The following SYT1 variants were observed in gnomAD, a reference collection of about 807,000 sequenced individuals.
SYT1 encodes synaptotagmin 1.
Under a neutral mutation model 44.8 loss-of-function variants are expected in SYT1, and 8 were observed. The ratio of observed to expected loss-of-function variants is 0.18; its 90% CI spans 0.10 to 0.32. The LOEUF (loss-of-function observed/expected upper bound fraction) is 0.32. Ranked by LOEUF, SYT1 falls within the 10% of genes least tolerant of loss-of-function variation. The pLI is 1.00. For synonymous variants in SYT1, 154 were observed against 188.8 expected (o/e 0.82, Z 1.51); for missense variants, 286 against 509.3 (o/e 0.56, Z 4.22).
At chr12:79,093,532 G>A (rs1877920863) in intron 3 of SYT1, among the ~76,000 whole-genome samples, 1 of 151,468 alleles carries the variant, frequency 6.6e-6, no homozygotes, top group African/African-American at 2.4e-5. Context: ...TTTTACCAGT[G>A]CACTTTTTCT....
chr12:79,095,060 C>A (rs1436000191), intron 3 of SYT1, among the ~76,000 whole-genome samples: 1 of 151,844 alleles, frequency 6.6e-6, no homozygotes, highest in African/African-American at 2.4e-5. Flanking sequence ...GGCCTAATAA[C>A]CTGTGTGCCC....
chr12:78,942,735 T>C (rs1165689569), intron 1 of SYT1, among the ~76,000 whole-genome samples: 1 of 152,212 alleles, frequency 6.6e-6, no homozygotes. Flanking sequence ...TCGCCATCCG[T>C]ATGAACAACA....
intron 9 of SYT1, among the ~76,000 whole-genome samples, chr12:79,372,549 G>C (rs1163860108): frequency 6.6e-6 from 1 of 152,170 alleles, no homozygotes; most frequent in Admixed American, 6.5e-5. Context: ...AGTTCTTTAA[G>C]CTGAGGCCAT....
chr12:79,269,657 G>A (rs893589273), intron 4 of SYT1, among the ~76,000 whole-genome samples: 1 of 151,862 alleles, frequency 6.6e-6, no homozygotes, highest in South Asian at 2.1e-4. Flanking sequence ...ACAATAATCT[G>A]CACTCGGGTA....
intron 8 of SYT1, among the ~76,000 whole-genome samples, chr12:79,306,178 T>C (rs1461901549): frequency 6.6e-6 from 1 of 152,234 alleles, no homozygotes; most frequent in Non-Finnish European, 1.5e-5. Flanking sequence ...CTTAAATAAA[T>C]ATTTTCAAGT....
intron 4 of SYT1, among the ~76,000 whole-genome samples, chr12:79,229,714 C>G (rs1444081884): frequency 6.6e-6 from 1 of 152,054 alleles, no homozygotes; most frequent in Non-Finnish European, 1.5e-5. Flanking sequence ...CTGCCTTAGT[C>G]TCCCAAGTAG....
chr12:78,958,623 A>T (rs1240256273), intron 1 of SYT1, among the ~76,000 whole-genome samples: 1 of 152,070 alleles, frequency 6.6e-6, no homozygotes, highest in African/African-American at 2.4e-5. Context: ...TGAACCTGGG[A>T]GGCAGAGGTT....
At chr12:79,104,484 T>C (rs930755780) in intron 3 of SYT1, among the ~76,000 whole-genome samples, 2 of 151,930 alleles carry the variant, frequency 1.3e-5, no homozygotes, top group African/African-American at 2.4e-5. Context: ...TAGGAAATAA[T>C]GGGGAGATGC....
chr12:79,064,232 G>A (rs181294218), intron 3 of SYT1, among the ~76,000 whole-genome samples: 2 of 152,258 alleles, frequency 1.3e-5, no homozygotes, highest in Admixed American at 1.3e-4. Flanking sequence ...GGGAAGAAAA[G>A]ACTGAAGGAG....
intron 3 of SYT1, among the ~76,000 whole-genome samples, chr12:79,202,800 C>T (rs377088189): frequency 1.3e-5 from 2 of 152,148 alleles, no homozygotes; most frequent in South Asian, 2.1e-4. Context: ...CTTACCTAAA[C>T]GTTTCAAATC....
At chr12:79,124,628 A>T (rs907629481) in intron 3 of SYT1, among the ~76,000 whole-genome samples, 36 of 151,938 alleles carry the variant, frequency 2.4e-4, no homozygotes, top group African/African-American at 8.7e-4. Flanking sequence ...CATCGCCATT[A>T]TCATCATCCT....
chr12:79,288,613 T>A (rs897889145), intron 5 of SYT1, among the ~76,000 whole-genome samples: 2 of 152,168 alleles, frequency 1.3e-5, no homozygotes, highest in Non-Finnish European at 2.9e-5. Flanking sequence ...ACAAAAAGTA[T>A]AGACATTTAT....
At chr12:78,967,593 T>C (rs1157603581) in intron 1 of SYT1, among the ~76,000 whole-genome samples, 2 of 151,994 alleles carry the variant, frequency 1.3e-5, no homozygotes, top group African/African-American at 4.8e-5. Context: ...AAACACAAAA[T>C]AAGAAAACTG....
intron 3 of SYT1, among the ~76,000 whole-genome samples, chr12:79,159,269 A>G (rs1440925950): frequency 6.6e-6 from 1 of 152,188 alleles, no homozygotes; most frequent in African/African-American, 2.4e-5. Flanking sequence ...GATGATGCAT[A>G]CATATCATAT....
At chr12:79,004,553 A>G (rs11832725) in intron 2 of SYT1, among the ~76,000 whole-genome samples, 11,963 of 152,036 alleles carry the variant, frequency 0.079, 626 homozygotes, top group East Asian at 0.15. Context: ...TTGTTGGCTT[A>G]GGGCTAAAGA....
At chr12:78,986,959 G>A (rs970796982) in intron 2 of SYT1, among the ~76,000 whole-genome samples, 3 of 151,946 alleles carry the variant, frequency 2.0e-5, no homozygotes, top group African/African-American at 7.2e-5. Context: ...AAATACTAAA[G>A]TTTTATGAAG....
chr12:78,886,069 AT>A (rs994119336), intron 1 of SYT1, among the ~76,000 whole-genome samples: 2 of 151,980 alleles, frequency 1.3e-5, no homozygotes, highest in East Asian at 1.9e-4. Flanking sequence ...CATAACACTA[AT>A]TTTTTTAACA....
chr12:79,047,794 A>T (rs1342245830), intron 3 of SYT1, among the ~76,000 whole-genome samples: 1 of 151,092 alleles, frequency 6.6e-6, no homozygotes, highest in Non-Finnish European at 1.5e-5. Flanking sequence ...TTATTAAAAA[A>T]TGGCAGCTAT....
In SYT1 at chr12:79,155,517, T is replaced by A. The variant is rs1055604905; in HGVS notation, c.-17-61986T>A. On this transcript the variant is annotated intron_variant, in intron 3 of 10. Transcript: ENST00000261205. ...CTTTTAAAATAGGGTAAAACTTTCT[T>A]CTCATCTAGGCATCAAATCAACTGT... Among the ~76,000 whole-genome samples, 3 of 152,210 alleles carry A rather than the reference T, an allele frequency of 2.0e-5. No homozygotes were observed. The East Asian group carries it at 5.8e-4, about 29-fold the overall frequency.
Sources: gnomAD v4.1 joint callset for allele counts (sites outside exome capture counted in the v4.1 genomes callset) on GRCh38, gnomAD v4.1.1 for gene constraint, MANE v1.5 for transcripts, NCBI Gene and HGNC (gene_info 2026-07-23, HGNC 2026-07-21) for gene names.